Variants in KIAA1217 observed in about 807,000 individuals in gnomAD.
KIAA1217 encodes sickle tail protein homolog.
Under a neutral mutation model 163.9 loss-of-function variants are expected in KIAA1217, and 88 were observed. The observed-to-expected ratio is 0.54, with a 90% CI of 0.45 to 0.64. The LOEUF is 0.64. Among genes scored for constraint, KIAA1217 ranks in the 30% least tolerant of loss-of-function variants. The pLI is 0.00. For missense variants in KIAA1217, 2,372 were observed against 2,475.0 expected, an observed-to-expected ratio of 0.96 and a Z score of 0.88; for synonymous variants, 903 against 923.1, an observed-to-expected ratio of 0.98 and a Z score of 0.39.
intron 1 of KIAA1217, among the ~76,000 whole-genome samples, chr10:23,709,573 T>C (rs1023144021): frequency 6.6e-6 from 1 of 152,052 alleles, no homozygotes; most frequent in Non-Finnish European, 1.5e-5. Context: ...CTTCCTTTCA[T>C]CCGAATGCCC....
At chr10:23,890,602 A>G (rs1387989856) in intron 1 of KIAA1217, among the ~76,000 whole-genome samples, 1 of 151,936 alleles carries the variant, frequency 6.6e-6, no homozygotes, top group Admixed American at 6.6e-5. Flanking sequence ...TACTATGATA[A>G]GCTCACATAC....
intron 1 of KIAA1217, among the ~76,000 whole-genome samples, chr10:23,754,182 AACATTCAT>A (rs1833799012): frequency 6.6e-6 from 1 of 152,232 alleles, no homozygotes; most frequent in South Asian, 2.1e-4. Flanking sequence ...ATATTTGTTA[AACATTCAT>A]ACATTGTTAA....
chr10:24,278,048 T>C (rs2077502787), intron 2 of KIAA1217, among the ~76,000 whole-genome samples: 1 of 152,134 alleles, frequency 6.6e-6, no homozygotes, highest in Admixed American at 6.5e-5. Context: ...GAGGACGCCG[T>C]CATGGGTGAG....
chr10:24,546,133 C>A lies in KIAA1217; in HGVS notation c.5641C>A (p.Gln1881Lys). Residue 1881 changes from glutamine to lysine, a missense_variant, in exon 21 of 21, where the codon CAG becomes AAG. Coordinates refer to ENST00000376454, the MANE Select transcript of KIAA1217 (RefSeq NM_019590.5). The part of the protein sequence containing the change: ...GKGHHLSFSP[Q>K]SQNGRAPPPL... Reference sequence around the variant, plus strand: ...AGGTCACCATCTTTCATTCTCACCGCAGAGTCAAAATGGCCGAGCACCCCC... The same window carrying A: ...AGGTCACCATCTTTCATTCTCACCGAAGAGTCAAAATGGCCGAGCACCCCC... The A allele has an allele frequency of 6.2e-7, 1 of 1,614,182 alleles. No individual in the cohort carries two copies. Among genetic ancestry groups the A allele is most frequent in the East Asian group, 2.2e-5 (1 of 44,886 alleles).
At chr10:24,316,373 TA>T (rs752314201) in intron 2 of KIAA1217, among the ~76,000 whole-genome samples, 1 of 152,188 alleles carries the variant, frequency 6.6e-6, no homozygotes, top group African/African-American at 2.4e-5. Flanking sequence ...CTTTCAATTT[TA>T]AAACTGAGAA....
At chr10:24,413,387 G>A (rs558144758) in intron 3 of KIAA1217, among the ~76,000 whole-genome samples, 1 of 152,174 alleles carries the variant, frequency 6.6e-6, no homozygotes, top group East Asian at 1.9e-4. Flanking sequence ...GGTCAGGCTG[G>A]TCTCCTACTC....
chr10:23,737,097 T>C (rs1838849106), intron 1 of KIAA1217, among the ~76,000 whole-genome samples: 1 of 152,268 alleles, frequency 6.6e-6, no homozygotes, highest in African/African-American at 2.4e-5. Context: ...TTCAAAAGAC[T>C]CTTATAATTT....
rs1216922246 is a variant in KIAA1217, at chr10:23,810,275, G to GTA, written c.-321+115053_-321+115054dup. Among the ~76,000 whole-genome samples the GTA allele has an allele frequency of 2.3e-3, 339 of 146,948 alleles. 3 individuals carry two copies. Among genetic ancestry groups the GTA allele is most frequent in the African/African-American group, 2.5e-3 (100 of 40,152 alleles). ...TTTCTGACTACCTACCTGTCTATCT[G>GTA]TATATATATATATGAAAAGCTATAT... is the stretch of plus-strand genomic sequence containing the variant. On this transcript the variant is annotated intron_variant, in intron 1 of 18. Coordinates refer to the KIAA1217 transcript ENST00000376462.
At chr10:23,818,781 C>T (rs567981233) in intron 1 of KIAA1217, among the ~76,000 whole-genome samples, 69 of 152,284 alleles carry the variant, frequency 4.5e-4, no homozygotes, top group Admixed American at 2.1e-3. Flanking sequence ...AAGGGTCAGC[C>T]ACACTCTTGA....
intron 1 of KIAA1217, among the ~76,000 whole-genome samples, chr10:23,712,110 C>T (rs1837294512): frequency 6.6e-6 from 1 of 152,074 alleles, no homozygotes; most frequent in African/African-American, 2.4e-5. Context: ...AATGTAGTTT[C>T]TAGGCTTCAC....
At chr10:23,988,947 A>T (rs1039731865) in intron 1 of KIAA1217, among the ~76,000 whole-genome samples, 1 of 152,228 alleles carries the variant, frequency 6.6e-6, no homozygotes, top group East Asian at 1.9e-4. Flanking sequence ...TGGCAACATG[A>T]TTTAGAATCT....
At chr10:24,423,906 A>T (rs940680543) in intron 3 of KIAA1217, among the ~76,000 whole-genome samples, 4 of 152,200 alleles carry the variant, frequency 2.6e-5, no homozygotes, top group African/African-American at 9.6e-5. Context: ...CTTCATAAAG[A>T]TTCGTCTAGA....
At chr10:24,196,136 AACACAC>A (rs66954103) in intron 2 of KIAA1217, among the ~76,000 whole-genome samples, 4,855 of 144,206 alleles carry the variant, frequency 0.034, 108 homozygotes, top group Non-Finnish European at 0.05. Flanking sequence ...CCTGTCTCAA[AACACAC>A]ACACACACAC....
intron 3 of KIAA1217, among the ~76,000 whole-genome samples, chr10:24,391,592 A>G (rs2054995672): frequency 6.6e-6 from 1 of 151,876 alleles, no homozygotes; most frequent in Non-Finnish European, 1.5e-5. Context: ...TGATCCACCC[A>G]CCTCAGCCTC....
chr10:24,532,976 G>A, intron 15 of KIAA1217, 94 bp from the exon 16 acceptor site: 3 of 1,067,198 alleles, frequency 2.8e-6, no homozygotes, highest in Non-Finnish European at 2.6e-6. Context: ...TAGGAAGCAA[G>A]TGTTCTAGAC....
chr10:23,801,128 T>C lies in KIAA1217; in HGVS notation c.-321+105894T>C, dbSNP rs188307011. Among the ~76,000 whole-genome samples, 6 of 152,216 alleles carry C rather than the reference T, an allele frequency of 3.9e-5. No individual in the cohort carries two copies. In the East Asian group the frequency reaches 1.2e-3, roughly 29 times the overall value. On this transcript the variant is annotated intron_variant, in intron 1 of 18. Coordinates refer to the KIAA1217 transcript ENST00000376462. ...AAGAAAATGTGGCACATATACACCA[T>C]GGAATACTATGCAGCCATAAAAAAG...
Position 24,476,286 on chromosome 10 carries a change from T to C in KIAA1217, c.1679+2226T>C, listed in dbSNP as rs115478744. Among the ~76,000 whole-genome samples the C allele has an allele frequency of 4.3e-3, 658 of 152,234 alleles. 6 individuals carry two copies. Among genetic ancestry groups the C allele is most frequent in the African/African-American group, 0.015 (628 of 41,540 alleles). Reference sequence around the variant, plus strand: ...GAGCCTCACTTTTCAAGACGTTTAGTTATGGAGAGAATAAAACAAACCCTC... The same window carrying C: ...GAGCCTCACTTTTCAAGACGTTTAGCTATGGAGAGAATAAAACAAACCCTC... On this transcript the variant is annotated intron_variant, in intron 6 of 20. Transcript: ENST00000376454.
chr10:24,347,110 T>G (rs541186581), intron 2 of KIAA1217, among the ~76,000 whole-genome samples: 1 of 152,252 alleles, frequency 6.6e-6, no homozygotes, highest in South Asian at 2.1e-4. Context: ...GCTTCCTTAC[T>G]TCAAGTTTAG....
chr10:24,048,815 G>A (rs1023618406), intron 2 of KIAA1217, among the ~76,000 whole-genome samples: 10 of 151,350 alleles, frequency 6.6e-5, no homozygotes, highest in Non-Finnish European at 1.2e-4. Context: ...GGTGGATCAC[G>A]AGGTCAGGGG....
Sources: allele counts gnomAD v4.1 joint callset (sites outside exome capture counted in the v4.1 genomes callset), GRCh38; gene constraint gnomAD v4.1.1; transcripts MANE v1.5; gene names NCBI Gene and HGNC (gene_info 2026-07-23, HGNC 2026-07-21).